ADAMTS6: variants seen among roughly 807,000 people sequenced by gnomAD.
ADAMTS6 encodes A disintegrin and metalloproteinase with thrombospondin motifs 6.
Under a neutral mutation model 144.3 loss-of-function variants are expected in ADAMTS6, and 23 were observed. The ratio of observed to expected loss-of-function variants is 0.16; its 90% CI spans 0.11 to 0.23. ADAMTS6 has a LOEUF of 0.23. Among genes scored for constraint, ADAMTS6 ranks in the 10% least tolerant of loss-of-function variants. ADAMTS6 has a pLI of 1.00. For missense variants in ADAMTS6, 999 were observed against 1,379.6 expected (o/e 0.72, Z 4.37); for synonymous variants, 444 against 457.5 (o/e 0.97, Z 0.38).
At chr5:65,294,470 A>G (rs1182659960) in intron 10 of ADAMTS6, among the ~76,000 whole-genome samples, 1 of 152,184 alleles carries the variant, frequency 6.6e-6, no homozygotes, top group Non-Finnish European at 1.5e-5. Context: ...TTGGCCTCCC[A>G]AAGTGCTGGG....
chr5:65,349,672 T>C (rs1748664940), intron 7 of ADAMTS6, among the ~76,000 whole-genome samples: 1 of 151,978 alleles, frequency 6.6e-6, no homozygotes, highest in African/African-American at 2.4e-5. Context: ...CTGGCCAATA[T>C]GGTGAAACCC....
chr5:65,177,512 T>G (rs1754051913), intron 22 of ADAMTS6, among the ~76,000 whole-genome samples: 1 of 152,192 alleles, frequency 6.6e-6, no homozygotes, highest in Non-Finnish European at 1.5e-5. Context: ...AGGGAAATTT[T>G]GATAAAGACC....
intron 7 of ADAMTS6, among the ~76,000 whole-genome samples, chr5:65,448,350 A>T (rs1235773955): frequency 6.6e-6 from 1 of 152,198 alleles, no homozygotes; most frequent in African/African-American, 2.4e-5. Context: ...TTTAAAAGTA[A>T]CTATTGTTAC....
chr5:65,171,088 C>T (rs1260554662), intron 23 of ADAMTS6, among the ~76,000 whole-genome samples: 1 of 151,932 alleles, frequency 6.6e-6, no homozygotes, highest in Non-Finnish European at 1.5e-5. Flanking sequence ...CAACCCACTG[C>T]AAGCTCTGCC....
chr5:65,291,259 T>C (rs1742273478), intron 11 of ADAMTS6, 70 bp downstream of exon 11: 2 of 1,521,416 alleles, frequency 1.3e-6, no homozygotes, highest in East Asian at 4.6e-5. Flanking sequence ...TTCATCGTAA[T>C]TCCATCTTAA....
intron 14 of ADAMTS6, among the ~76,000 whole-genome samples, chr5:65,247,163 A>G (rs937449711): frequency 1.3e-5 from 2 of 152,168 alleles, no homozygotes; most frequent in Non-Finnish European, 2.9e-5. Context: ...ATAAATCTGG[A>G]GAGCAAAGCT....
At chr5:65,451,241 A>G (rs1758717994) in intron 7 of ADAMTS6, 1 of 417,148 alleles carries the variant, frequency 2.4e-6, no homozygotes, top group Non-Finnish European at 4.2e-6. Context: ...CAGTAGGAGG[A>G]AAGTTATTTA....
chr5:65,212,024 CCAGTGGTA>C (rs1756566229), intron 20 of ADAMTS6, among the ~76,000 whole-genome samples: 1 of 152,130 alleles, frequency 6.6e-6, no homozygotes, highest in Non-Finnish European at 1.5e-5. Context: ...TCAGCCAAGA[CCAGTGGTA>C]CACAAACTTG....
chr5:65,427,857 A>G (rs760350688), intron 7 of ADAMTS6, among the ~76,000 whole-genome samples: 1 of 152,076 alleles, frequency 6.6e-6, no homozygotes, highest in Non-Finnish European at 1.5e-5. Context: ...AAAATTATTT[A>G]ATTTAAAGCC....
chr5:65,376,305 G>T (rs1339018603), intron 7 of ADAMTS6, among the ~76,000 whole-genome samples: 1 of 151,988 alleles, frequency 6.6e-6, no homozygotes, highest in Non-Finnish European at 1.5e-5. Context: ...ACAATAATTA[G>T]CCGGACATGG....
rs1443855821 is a variant in ADAMTS6 at position 65,302,090 on chromosome 5, TC to T, written c.1224-1960del. 8.9e-3 allele frequency among the ~76,000 whole-genome samples: 610 copies of T among 68,340 alleles called. 5 individuals are homozygous for T. The highest frequency in any genetic ancestry group is 0.046 in the African/African-American group (558 of 12,108). The allele number at this position is 68,340 out of a possible 152,430, so 44.8% of individuals were successfully genotyped here. On this transcript the variant is annotated intron_variant, in intron 9 of 24. Coordinates refer to ENST00000381055, the MANE Select transcript of ADAMTS6 (RefSeq NM_197941.4). Reference sequence around the variant, plus strand: ...TAGGGTAACAGAGCAAGGCTCTGTCTCCAAAAAAAAAAAAAAAATATATATA... The same window carrying T: ...TAGGGTAACAGAGCAAGGCTCTGTCTCAAAAAAAAAAAAAAAATATATATA...
intron 7 of ADAMTS6, among the ~76,000 whole-genome samples, chr5:65,410,232 A>C (rs548248899): frequency 1.3e-5 from 2 of 152,280 alleles, no homozygotes; most frequent in Non-Finnish European, 2.9e-5. Flanking sequence ...TACGCAACAA[A>C]AGTCAATGTA....
intron 1 of ADAMTS6, among the ~76,000 whole-genome samples, chr5:65,479,413 A>T (rs767800078): frequency 6.6e-5 from 10 of 152,238 alleles, no homozygotes; most frequent in Non-Finnish European, 1.2e-4. Context: ...ATGATTTATA[A>T]AACTCAAGCC....
At chr5:65,280,195 A>G (rs1278657218) in intron 11 of ADAMTS6, among the ~76,000 whole-genome samples, 1 of 152,138 alleles carries the variant, frequency 6.6e-6, no homozygotes, top group Non-Finnish European at 1.5e-5. Context: ...CATCCCAATC[A>G]GCTGATCCTT....
chr5:65,335,572 C>A (rs1747224548), intron 7 of ADAMTS6, among the ~76,000 whole-genome samples: 1 of 152,088 alleles, frequency 6.6e-6, no homozygotes, highest in Non-Finnish European at 1.5e-5. Context: ...TCTAAACCTC[C>A]AAGTTCCACA....
intron 7 of ADAMTS6, among the ~76,000 whole-genome samples, chr5:65,383,840 T>C (rs1752256806): frequency 6.6e-6 from 1 of 152,168 alleles, no homozygotes; most frequent in African/African-American, 2.4e-5. Context: ...AGGCTCTCTG[T>C]GGCATCCTTT....
intron 9 of ADAMTS6, among the ~76,000 whole-genome samples, chr5:65,318,236 C>A (rs970536708): frequency 6.6e-6 from 1 of 152,066 alleles, no homozygotes; most frequent in African/African-American, 2.4e-5. Flanking sequence ...GTAACAAATG[C>A]TGGCAAAGAT....
At chr5:65,377,381 A>T (rs1249812600) in intron 7 of ADAMTS6, among the ~76,000 whole-genome samples, 1 of 152,308 alleles carries the variant, frequency 6.6e-6, no homozygotes, top group South Asian at 2.1e-4. Context: ...TTGAATAAAA[A>T]GTTAGGCAAT....
Position 65,353,801 on chromosome 5 carries a change from T to C in ADAMTS6, c.1074-19716A>G, listed in dbSNP as rs1284970849. ...TTGGCTCATCTAAAGGGAGTTAGTC[T>C]CTTCCAACATGTTTAGGCAATGGAA... On this transcript the variant is annotated intron_variant, in intron 7 of 24. Transcript: ENST00000381055. Among the ~76,000 whole-genome samples, 9 of 152,054 alleles carry C rather than the reference T, an allele frequency of 5.9e-5. No individual in the cohort carries two copies. In the East Asian group the frequency reaches 1.7e-3, roughly 29 times the overall value.
Sources: allele counts gnomAD v4.1 joint callset (sites outside exome capture counted in the v4.1 genomes callset), GRCh38; gene constraint gnomAD v4.1.1; transcripts MANE v1.5; gene names NCBI Gene and HGNC (gene_info 2026-07-23, HGNC 2026-07-21).